Variants in ELF2 observed in about 807,000 individuals in gnomAD.
The protein encoded by ELF2 is E74 like ETS transcription factor 2.
In ELF2, 11 loss-of-function variants were observed where a neutral mutation model predicts 54.8. That is an observed-to-expected ratio of 0.20 (90% CI 0.13 to 0.33). The LOEUF is 0.33. Ranked by LOEUF, ELF2 falls within the 10% of genes least tolerant of loss-of-function variation. The pLI, the probability that ELF2 is intolerant of heterozygous loss-of-function variation, is 1.00. For missense variants in ELF2, 513 were observed against 703.0 expected (o/e 0.73, Z 3.06); for synonymous variants, 203 against 245.1 (o/e 0.83, Z 1.61).
chr4:139,177,305 A>C (rs1340463154), upstream of ELF2: 1 of 83,200 alleles, frequency 1.2e-5, no homozygotes, highest in Non-Finnish European at 2.3e-5. Flanking sequence ...CGCCTCCACC[A>C]GGACACTGGA....
intron 4 of ELF2, among the ~76,000 whole-genome samples, chr4:139,108,662 T>C (rs1308051956): frequency 6.6e-6 from 1 of 151,540 alleles, no homozygotes; most frequent in Non-Finnish European, 1.5e-5. Flanking sequence ...AAAAGCACAC[T>C]CAAAATAGCA....
chr4:139,158,596 C>T (rs895869230), intron 1 of ELF2, among the ~76,000 whole-genome samples: 1 of 151,990 alleles, frequency 6.6e-6, no homozygotes, highest in African/African-American at 2.4e-5. Context: ...TTAAAGGGAA[C>T]ATTTGTCATA....
intron 1 of ELF2, among the ~76,000 whole-genome samples, chr4:139,171,993 G>A (rs377392359): frequency 1.3e-5 from 2 of 152,270 alleles, no homozygotes; most frequent in East Asian, 3.9e-4. Flanking sequence ...GCAAAGATGT[G>A]AAGAAAACTA....
intron 4 of ELF2, among the ~76,000 whole-genome samples, chr4:139,088,817 G>A (rs569922143): frequency 1.3e-5 from 2 of 151,942 alleles, no homozygotes; most frequent in East Asian, 3.9e-4. Context: ...GGAGTGCAAT[G>A]GCGTGATCTT....
chr4:139,124,719 A>C (rs1023865696), intron 4 of ELF2, among the ~76,000 whole-genome samples: 9 of 152,188 alleles, frequency 5.9e-5, no homozygotes, highest in Admixed American at 2.6e-4. Flanking sequence ...AGAACACTAC[A>C]ATGATGCTTC....
At chr4:139,103,747 A>C (rs572260996) in intron 4 of ELF2, among the ~76,000 whole-genome samples, 2 of 152,360 alleles carry the variant, frequency 1.3e-5, no homozygotes, top group East Asian at 3.9e-4. Context: ...GCTGGTGTCC[A>C]CTACAGAACT....
intron 4 of ELF2, among the ~76,000 whole-genome samples, chr4:139,095,817 G>T (rs1040991654): frequency 3.3e-5 from 5 of 152,154 alleles, no homozygotes; most frequent in Non-Finnish European, 5.9e-5. Flanking sequence ...GGCCAAGGCG[G>T]GTGGATCACT....
At chr4:139,114,558 G>GTC (rs1354000674) in intron 4 of ELF2, among the ~76,000 whole-genome samples, 3 of 27,132 alleles carry the variant, frequency 1.1e-4, no homozygotes, top group African/African-American at 2.2e-4. Flanking sequence ...CGAGACTTCA[G>GTC]TCTCACACAC....
chr4:139,067,610 T>C (rs575550694), intron 7 of ELF2, 74 bp downstream of exon 7: 4 of 1,475,410 alleles, frequency 2.7e-6, no homozygotes, highest in South Asian at 2.3e-5. Flanking sequence ...AGAAATAGTT[T>C]TCTTACAAAT....
chr4:139,071,797 C>T, intron 6 of ELF2, 69 bp downstream of exon 6: 2 of 1,412,796 alleles, frequency 1.4e-6, no homozygotes, highest in South Asian at 1.4e-5. Context: ...TTTCTATGTC[C>T]CTTGATGAGG....
intron 1 of ELF2, among the ~76,000 whole-genome samples, chr4:139,156,619 GTT>G: frequency 2.1e-5 from 3 of 141,802 alleles, no homozygotes; most frequent in Middle Eastern, 7.4e-3. Flanking sequence ...TATATTTGTT[GTT>G]TTGTTGTTGT....
At chr4:139,173,412 C>A (rs578045348) in intron 1 of ELF2, among the ~76,000 whole-genome samples, 2 of 151,964 alleles carry the variant, frequency 1.3e-5, no homozygotes, top group Non-Finnish European at 2.9e-5. Flanking sequence ...AACTGATGCA[C>A]AGATAAATAA....
At chr4:139,131,136 T>C (rs555874214) in intron 3 of ELF2, among the ~76,000 whole-genome samples, 2 of 152,020 alleles carry the variant, frequency 1.3e-5, no homozygotes, top group African/African-American at 4.8e-5. Context: ...AGGGTGCAAA[T>C]AAAAAAATAC....
chr4:139,145,726 ATGGT>A (rs756252717), intron 1 of ELF2, among the ~76,000 whole-genome samples: 3 of 152,144 alleles, frequency 2.0e-5, no homozygotes, highest in Non-Finnish European at 2.9e-5. Flanking sequence ...GAATGCAGGG[ATGGT>A]TTAACATATG....
intron 4 of ELF2, among the ~76,000 whole-genome samples, chr4:139,100,990 T>C (rs963356066): frequency 6.6e-6 from 1 of 152,202 alleles, no homozygotes; most frequent in Non-Finnish European, 1.5e-5. Flanking sequence ...ACTCGAGATA[T>C]ACTTTGGAGG....
At chr4:139,099,914 T>C (rs1733695283) in intron 4 of ELF2, among the ~76,000 whole-genome samples, 1 of 152,122 alleles carries the variant, frequency 6.6e-6, no homozygotes, top group South Asian at 2.1e-4. Context: ...TAAACTATAA[T>C]CTAAAGGACA....
intron 4 of ELF2, 56 bp from the exon 5 acceptor site, chr4:139,073,623 C>T: frequency 1.0e-6 from 1 of 953,756 alleles, no homozygotes; most frequent in Non-Finnish European, 1.5e-6. Flanking sequence ...ATGACTAAAA[C>T]ATATTACTAA....
At position 139,057,495 on chromosome 4, in the gene ELF2, T is replaced by G. The variant is rs929332839; in HGVS notation, c.*1488A>C. Reference sequence around the variant, plus strand: ...GACAGTAGTAAAATTACATAGTTTATGTAATCCTTCAGATACCTTAACTTC... The same window carrying G: ...GACAGTAGTAAAATTACATAGTTTAGGTAATCCTTCAGATACCTTAACTTC... On this transcript the variant is annotated 3_prime_UTR_variant, in exon 10 of 10. Coordinates refer to ENST00000686138, the MANE Select transcript of ELF2 (RefSeq NM_001331036.3). The G allele has an allele frequency of 1.3e-5, 2 of 152,250 alleles. No homozygotes were observed. Among genetic ancestry groups the G allele is most frequent in the African/African-American group, 4.8e-5 (2 of 41,478 alleles). The allele number at this position is 152,250 out of a possible 1,614,324, so 9.4% of individuals were successfully genotyped here.
At chr4:139,087,452 CGTTT>C in intron 4 of ELF2, among the ~76,000 whole-genome samples, 1 of 152,130 alleles carries the variant, frequency 6.6e-6, no homozygotes. Context: ...TAGACAAACA[CGTTT>C]TTTTGTTTTT....
Sources: gnomAD v4.1 joint callset for allele counts (sites outside exome capture counted in the v4.1 genomes callset) on GRCh38, gnomAD v4.1.1 for gene constraint, MANE v1.5 for transcripts, NCBI Gene and HGNC (gene_info 2026-07-23, HGNC 2026-07-21) for gene names.